The following SYT16 variants were observed in gnomAD, a reference collection of about 807,000 sequenced individuals.
SYT16 encodes synaptotagmin-16.
Under a neutral mutation model 61.4 loss-of-function variants are expected in SYT16, and 42 were observed. The ratio of observed to expected loss-of-function variants is 0.68; its 90% confidence interval spans 0.53 to 0.89. The LOEUF is 0.89. Ranked by LOEUF, SYT16 falls within the 40% of genes least tolerant of loss-of-function variation. The pLI is 0.00. For missense variants in SYT16, 804 were observed against 807.3 expected (o/e 1.00, Z 0.05); for synonymous variants, 314 against 302.3 (o/e 1.04, Z -0.40).
intron 2 of SYT16, among the ~76,000 whole-genome samples, chr14:61,975,495 A>G (rs1193951846): frequency 6.6e-6 from 1 of 152,342 alleles, no homozygotes; most frequent in Middle Eastern, 3.4e-3. Context: ...AAACTTAATC[A>G]TGATGGATGG....
At chr14:61,872,238 T>C (rs1185357886) in intron 1 of SYT16, among the ~76,000 whole-genome samples, 1 of 152,184 alleles carries the variant, frequency 6.6e-6, no homozygotes, top group Non-Finnish European at 1.5e-5. Flanking sequence ...TAAATACATA[T>C]TTTTAATTGA....
At chr14:62,019,114 G>A (rs941920560) in intron 3 of SYT16, among the ~76,000 whole-genome samples, 1 of 152,158 alleles carries the variant, frequency 6.6e-6, no homozygotes, top group Non-Finnish European at 1.5e-5. Context: ...GACATGTAAG[G>A]AAAAGTGAAG....
At chr14:62,015,373 G>A (rs2053629269) in intron 3 of SYT16, among the ~76,000 whole-genome samples, 1 of 152,138 alleles carries the variant, frequency 6.6e-6, no homozygotes, top group East Asian at 1.9e-4. Context: ...AAGATGACCA[G>A]TGTAAATATC....
intron 7 of SYT16, among the ~76,000 whole-genome samples, chr14:62,095,481 T>A (rs573525456): frequency 5.9e-5 from 9 of 151,862 alleles, no homozygotes; most frequent in African/African-American, 9.7e-5. Context: ...AGCTTTAAAA[T>A]GTTACTATTT....
At chr14:62,016,540 A>C (rs2053688051) in intron 3 of SYT16, among the ~76,000 whole-genome samples, 1 of 21,824 alleles carries the variant, frequency 4.6e-5, no homozygotes, top group Non-Finnish European at 6.9e-5. Context: ...CTAAAAATAC[A>C]AAAAAAAAAA....
intron 3 of SYT16, among the ~76,000 whole-genome samples, chr14:62,011,900 C>CACACACAT (rs1264327462): frequency 1.6e-5 from 2 of 125,956 alleles, no homozygotes; most frequent in East Asian, 2.6e-4. Flanking sequence ...CACACACACA[C>CACACACAT]ACACATATAT....
intron 7 of SYT16, among the ~76,000 whole-genome samples, chr14:62,090,470 GA>G (rs1234657779): frequency 1.3e-5 from 2 of 152,016 alleles, no homozygotes; most frequent in Admixed American, 1.3e-4. Flanking sequence ...AGAGTGCAGG[GA>G]AAAAAAGACT....
intron 7 of SYT16, 46 bp downstream of exon 7, chr14:62,084,431 G>A: frequency 1.3e-6 from 2 of 1,570,614 alleles, no homozygotes; most frequent in African/African-American, 1.4e-5. Flanking sequence ...CCAGAGGCAA[G>A]TGGAAAGCCC....
Position 61,957,200 on chromosome 14 carries a change from TA to T in SYT16, c.-324-12931del, listed in dbSNP as rs199896547. ...TCACTGATTAGTTCTAACAGTTTTTTATTATTTTTTTTAAGAGTCTTTAGGG... is the reference window on the plus strand; with the variant it reads ...TCACTGATTAGTTCTAACAGTTTTTTTTATTTTTTTTAAGAGTCTTTAGGG... On this transcript the variant is annotated intron_variant, in intron 1 of 7. Coordinates refer to ENST00000683842, the MANE Select transcript of SYT16 (RefSeq NM_001367656.1). Among the ~76,000 whole-genome samples the T allele has an allele frequency of 9.8e-3, 1,418 of 144,422 alleles. 18 individuals are homozygous for T. The highest frequency in any genetic ancestry group is 0.033 in the African/African-American group (1,333 of 39,998). The allele number at this position is 144,422 out of a possible 152,430, so 94.7% of individuals were successfully genotyped here.
chr14:62,081,152 T>C lies in SYT16; in HGVS notation c.1312T>C (p.Tyr438His). The C allele has an allele frequency of 6.2e-7, 1 of 1,613,938 alleles. No individual in the cohort carries two copies. Among genetic ancestry groups the C allele is most frequent in the Non-Finnish European group, 8.5e-7 (1 of 1,179,870 alleles). Residue 438 changes from tyrosine to histidine, a missense_variant, in exon 6 of 8, where the codon TAC becomes CAC. By Grantham distance (83) the Tyr-to-His change is moderately conservative (BLOSUM62 2). Transcript: ENST00000683842. The part of the protein sequence containing the change: ...VAACAVRFRL[Y>H]AARKMTRERM... ...TGCCTGTGCTGTCCGCTTCCGCCTG[T>C]ACGCTGCCCGGAAGATGACCCGAGA...
intron 1 of SYT16, among the ~76,000 whole-genome samples, chr14:61,873,438 C>T (rs994014874): frequency 1.0e-3 from 156 of 152,292 alleles, no homozygotes; most frequent in Non-Finnish European, 1.6e-3. Flanking sequence ...CTCCTACTGT[C>T]TTTCCACCAG....
intron 1 of SYT16, among the ~76,000 whole-genome samples, chr14:61,930,794 A>T (rs1297168378): frequency 6.6e-6 from 1 of 152,062 alleles, no homozygotes; most frequent in Non-Finnish European, 1.5e-5. Flanking sequence ...GTGATATAAG[A>T]AGAACTCCAC....
chr14:62,112,171 T>G lies in SYT16; in HGVS notation c.*11464T>G, dbSNP rs974229953. 9.9e-5 allele frequency: 15 copies of G among 152,124 alleles called. No individual in the cohort carries two copies. Among genetic ancestry groups the G allele is most frequent in the African/African-American group, 3.4e-4 (14 of 41,450 alleles). The allele number at this position is 152,124 out of a possible 1,614,324, so 9.4% of individuals were successfully genotyped here. ...CAGTGAAATATTGAATGTCAATACT[T>G]TTTGTTAGAAATGCCCTCTGAAAAT... On this transcript the variant is annotated 3_prime_UTR_variant, in exon 8 of 8. Coordinates refer to ENST00000683842, the MANE Select transcript of SYT16 (RefSeq NM_001367656.1).
chr14:61,888,691 C>CA (rs1042107471), intron 1 of SYT16, among the ~76,000 whole-genome samples: 1 of 145,532 alleles, frequency 6.9e-6, no homozygotes, highest in Non-Finnish European at 1.5e-5. Context: ...GACAGAGACA[C>CA]AAAGTGAGGC....
At chr14:62,082,320 C>T (rs1208939290) in intron 6 of SYT16, among the ~76,000 whole-genome samples, 1 of 152,180 alleles carries the variant, frequency 6.6e-6, no homozygotes, top group Admixed American at 6.5e-5. Flanking sequence ...AAATTAACGT[C>T]TTCAGGCCTG....
Position 62,094,469 on chromosome 14 carries a change from C to A in SYT16, c.1625-5925C>A, listed in dbSNP as rs146894690. Among the ~76,000 whole-genome samples the A allele has an allele frequency of 3.0e-4, 46 of 152,108 alleles. 2 individuals are homozygous for A. In the East Asian group the frequency reaches 8.9e-3, roughly 29 times the overall value. ...TTTAGAGCAACAAACTCATTAGGCA[C>A]ATGTTCTTTATTCTAAGTTATAGCA... On this transcript the variant is annotated intron_variant, in intron 7 of 7. Coordinates refer to ENST00000683842, the MANE Select transcript of SYT16 (RefSeq NM_001367656.1).
chr14:61,985,737 G>A (rs1359253353), intron 2 of SYT16, among the ~76,000 whole-genome samples: 1 of 152,142 alleles, frequency 6.6e-6, no homozygotes, highest in East Asian at 1.9e-4. Context: ...TTGACCTCCT[G>A]ATTAAGCAGA....
At position 62,101,858 on chromosome 14, in the gene SYT16, A is replaced by G. The variant is rs747062558; in HGVS notation, c.*1151A>G. On this transcript the variant is annotated 3_prime_UTR_variant, in exon 8 of 8. Transcript: ENST00000683842. Reference sequence around the variant, plus strand: ...CAACATATATTAGTCACTACTTGCAATCTGGGCATGTGCCATTCAGAATAC... The same window carrying G: ...CAACATATATTAGTCACTACTTGCAGTCTGGGCATGTGCCATTCAGAATAC... The G allele has an allele frequency of 3.3e-5, 5 of 152,190 alleles. No homozygotes were observed. The highest frequency in any genetic ancestry group is 7.4e-5 in the Non-Finnish European group (5 of 68,022). 9.4% of individuals were successfully genotyped at this position (152,190 alleles called of 1,614,324 possible). A position where few individuals can be genotyped will look rare whatever the true frequency, so the allele number is the denominator to read the frequency against.
At chr14:61,837,752 A>G (rs1281576226) in intron 1 of SYT16, among the ~76,000 whole-genome samples, 1 of 152,164 alleles carries the variant, frequency 6.6e-6, no homozygotes, top group East Asian at 1.9e-4. Context: ...CACGCCTTGG[A>G]TGCTATGCTT....
Sources: allele counts gnomAD v4.1 joint callset (sites outside exome capture counted in the v4.1 genomes callset), GRCh38; gene constraint gnomAD v4.1.1; transcripts MANE v1.5; gene names NCBI Gene and HGNC (gene_info 2026-07-23, HGNC 2026-07-21).